Variants in ZHX3 observed in about 807,000 individuals in gnomAD.
The protein encoded by ZHX3 is zinc fingers and homeoboxes protein 3.
ZHX3 carries 20 observed loss-of-function variants against 64.5 expected under a neutral mutation model. That is an observed-to-expected ratio of 0.31 (90% CI 0.22 to 0.45). The LOEUF is 0.45. ZHX3 is among the 20% of genes least tolerant of loss of function. The probability of loss-of-function intolerance (pLI) is 1.00; values close to 1 mark genes in which losing one functional copy is unlikely to be tolerated. For synonymous variants in ZHX3, 423 were observed against 461.6 expected (o/e 0.92, Z 1.07); for missense variants, 1,041 against 1,195.8 (o/e 0.87, Z 1.91).
chr20:41,284,088 C>A (rs2043821561), intron 1 of ZHX3, among the ~76,000 whole-genome samples: 1 of 152,096 alleles, frequency 6.6e-6, no homozygotes, highest in African/African-American at 2.4e-5. Context: ...GAGTTAGCGT[C>A]CCCAGAGTAA....
At chr20:41,240,474 G>A (rs1014719178) in intron 2 of ZHX3, among the ~76,000 whole-genome samples, 2 of 152,078 alleles carry the variant, frequency 1.3e-5, no homozygotes, top group African/African-American at 2.4e-5. Flanking sequence ...GGCATGTGAC[G>A]CATAATAATC....
At position 41,204,606 on chromosome 20, in the gene ZHX3, T is replaced by A; in HGVS notation, c.311A>T (p.Asn104Ile). Residue 104 changes from asparagine to isoleucine, a missense_variant, in exon 3 of 4, where the codon AAT (asparagine) becomes ATT (isoleucine). Around this residue, in one of 4 missense-constraint regions of ZHX3, gnomAD observed 358 missense variants for 369.1 expected, o/e 0.97. Transcript: ENST00000683867. The surrounding 1 kb of genome is among the most constrained non-coding windows in gnomAD (Gnocchi z 6.6). ...ACTGCATACAAAGGTTGGGTCTTTA[T>A]TAAAGTCTGTGTGCTCTGAGTTCAT... ...GHMNSEHTDF[N>I]KDPTFVCSGC... The A allele has an allele frequency of 6.2e-7, 1 of 1,614,234 alleles. No individual in the cohort carries two copies. Among genetic ancestry groups the A allele is most frequent in the Non-Finnish European group, 8.5e-7 (1 of 1,180,028 alleles).
At chr20:41,300,370 C>G (rs2044757167) in intron 1 of ZHX3, among the ~76,000 whole-genome samples, 1 of 151,942 alleles carries the variant, frequency 6.6e-6, no homozygotes, top group South Asian at 2.1e-4. Context: ...TATATTATAC[C>G]AGAATTCCAG....
rs1455283353 is a variant in ZHX3 at position 41,201,935 on chromosome 20, A to G, written c.2860+122T>C. The G allele has an allele frequency of 4.0e-6, 5 of 1,262,330 alleles. No homozygotes were observed. Among genetic ancestry groups the G allele is most frequent in the East Asian group, 2.6e-5 (1 of 38,864 alleles). 78.2% of individuals were successfully genotyped at this position (1,262,330 alleles called of 1,614,324 possible). A position where few individuals can be genotyped will look rare whatever the true frequency, so the allele number is the denominator to read the frequency against. ...GTCCTCTGAAGCAGCCAGGCGGTTA[A>G]TGCTGCTGCCAGGCAGCCTTAGAGA... On this transcript the variant is annotated intron_variant, in intron 3 of 3. Coordinates refer to ENST00000683867, the MANE Select transcript of ZHX3 (RefSeq NM_001384317.1). The surrounding 1 kb of genome is among the most constrained non-coding windows in gnomAD (Gnocchi z 5.0).
chr20:41,206,960 A>C (rs980714971), intron 2 of ZHX3, among the ~76,000 whole-genome samples: 1 of 152,158 alleles, frequency 6.6e-6, no homozygotes, highest in Admixed American at 6.5e-5. Flanking sequence ...CTCGGCAGAA[A>C]CTCTACAAGC....
intron 2 of ZHX3, among the ~76,000 whole-genome samples, chr20:41,268,627 A>G (rs998470600): frequency 1.3e-5 from 2 of 152,208 alleles, no homozygotes; most frequent in Admixed American, 1.3e-4. Context: ...AAGTCAATCA[A>G]GTGTATGTTC....
At position 41,186,796 on chromosome 20, in the gene ZHX3, G is replaced by A. The variant is rs185317816; in HGVS notation, c.2861-1595C>T. On this transcript the variant is annotated intron_variant, in intron 3 of 3. Coordinates refer to ENST00000683867, the MANE Select transcript of ZHX3 (RefSeq NM_001384317.1). Reference sequence around the variant, plus strand: ...ATTTGTATATTTTCCTATGAGAAATGTCTAAATCATTTGCCCGTTTTTGAA... The same window carrying A: ...ATTTGTATATTTTCCTATGAGAAATATCTAAATCATTTGCCCGTTTTTGAA... Among the ~76,000 whole-genome samples the A allele has an allele frequency of 3.9e-5, 6 of 152,292 alleles. No homozygotes were observed. In the East Asian group the frequency reaches 1.2e-3, roughly 29 times the overall value.
intron 2 of ZHX3, among the ~76,000 whole-genome samples, chr20:41,253,181 A>G (rs2042072530): frequency 6.6e-6 from 1 of 151,982 alleles, no homozygotes; most frequent in Non-Finnish European, 1.5e-5. Flanking sequence ...ATATTATTTG[A>G]GACCACATTC....
chr20:41,268,405 TAA>T (rs1240501593), intron 2 of ZHX3, among the ~76,000 whole-genome samples: 1 of 152,162 alleles, frequency 6.6e-6, no homozygotes. Context: ...AGTTTAGCAT[TAA>T]AAAAAGTTTT....
intron 2 of ZHX3, among the ~76,000 whole-genome samples, chr20:41,242,828 A>G (rs770555530): frequency 6.6e-6 from 1 of 152,174 alleles, no homozygotes; most frequent in African/African-American, 2.4e-5. Flanking sequence ...TAATTAAGTG[A>G]TTTTTATAAC....
intron 2 of ZHX3, among the ~76,000 whole-genome samples, chr20:41,216,950 T>A (rs1447916204): frequency 6.6e-6 from 1 of 152,220 alleles, no homozygotes; most frequent in African/African-American, 2.4e-5. Flanking sequence ...CAAGGCTGAA[T>A]ATCTTTTCAC....
At chr20:41,287,678 C>T (rs901285688) in intron 1 of ZHX3, among the ~76,000 whole-genome samples, 22 of 152,192 alleles carry the variant, frequency 1.4e-4, no homozygotes, top group African/African-American at 5.1e-4. Context: ...GGCCTAGCAA[C>T]AACCATGTGA....
chr20:41,186,695 G>GA (rs2036554677), intron 3 of ZHX3, among the ~76,000 whole-genome samples: 1 of 146,760 alleles, frequency 6.8e-6, no homozygotes, highest in East Asian at 1.9e-4. Context: ...TCTTAAGTGT[G>GA]AAGTGGTATC....
At chr20:41,273,379 T>C (rs2043237820) in intron 1 of ZHX3, among the ~76,000 whole-genome samples, 2 of 152,214 alleles carry the variant, frequency 1.3e-5, no homozygotes. Flanking sequence ...TGCCATCCAA[T>C]TTGTCTATTT....
At chr20:41,206,548 G>A (rs1416469563) in intron 2 of ZHX3, among the ~76,000 whole-genome samples, 1 of 152,188 alleles carries the variant, frequency 6.6e-6, no homozygotes, top group South Asian at 2.1e-4. Flanking sequence ...GGAAGAAAGA[G>A]TATCAGTGAT....
rs1218002081 is a variant in ZHX3, at chr20:41,212,323, C to T, written c.-150-7257G>A. Among the ~76,000 whole-genome samples the T allele has an allele frequency of 7.9e-5, 12 of 151,944 alleles. No individual in the cohort carries two copies. On this transcript the variant is annotated intron_variant, in intron 2 of 3. Coordinates refer to ENST00000683867, the MANE Select transcript of ZHX3 (RefSeq NM_001384317.1). This position sits in a 1 kb window ranked among gnomAD's most constrained non-coding sequence, Gnocchi z 4.3. ...TTATTAGGAAAACACAAATCAAAAC[C>T]ACAATGAGATACCACTTCACACCCA... is the stretch of plus-strand genomic sequence containing the variant.
chr20:41,298,075 CTTT>C (rs11478074), intron 1 of ZHX3, among the ~76,000 whole-genome samples: 2 of 148,356 alleles, frequency 1.3e-5, no homozygotes, highest in Non-Finnish European at 3.0e-5. Flanking sequence ...TCATCCAATT[CTTT>C]TTTTTTTTAT....
At chr20:41,194,399 T>C (rs750997131) in intron 3 of ZHX3, among the ~76,000 whole-genome samples, 19 of 152,204 alleles carry the variant, frequency 1.2e-4, no homozygotes, top group Admixed American at 1.3e-4. Flanking sequence ...TGCCAGGCAA[T>C]CCTTGCATTG....
At chr20:41,196,383 A>ATAT (rs2037513619) in intron 3 of ZHX3, among the ~76,000 whole-genome samples, 1 of 63,996 alleles carries the variant, frequency 1.6e-5, no homozygotes, top group African/African-American at 8.8e-5. Flanking sequence ...TATATAACAT[A>ATAT]AATATATATT....
Sources: gnomAD v4.1 joint callset for allele counts (sites outside exome capture counted in the v4.1 genomes callset) on GRCh38, gnomAD v4.1.1 for gene constraint, gnomAD v4.1.1 regional missense constraint, Gnocchi (gnomAD v3.1) non-coding constraint, MANE v1.5 for transcripts, NCBI Gene and HGNC (gene_info 2026-07-23, HGNC 2026-07-21) for gene names.